ZNF385D: variants seen among roughly 807,000 people sequenced by gnomAD.
ZNF385D encodes the protein zinc finger protein 385D, also known as zinc finger protein 659.
A neutral mutation model predicts 35.8 loss-of-function variants in ZNF385D; 15 were observed. That is an observed-to-expected ratio of 0.42 (90% CI 0.28 to 0.64). ZNF385D has a LOEUF of 0.64. Among genes scored for constraint, ZNF385D ranks in the 30% least tolerant of loss-of-function variants. The pLI, the probability that ZNF385D is intolerant of heterozygous loss-of-function variation, is 0.23. For missense variants in ZNF385D, 474 were observed against 494.6 expected (o/e 0.96, Z 0.39); for synonymous variants, 212 against 186.8 (o/e 1.13, Z -1.10).
At chr3:21,830,874 G>T (rs1262957533) in intron 3 of ZNF385D, among the ~76,000 whole-genome samples, 1 of 152,178 alleles carries the variant, frequency 6.6e-6, no homozygotes, top group African/African-American at 2.4e-5. Context: ...AAACATTTAT[G>T]CCATTGATCC....
At chr3:21,685,303 C>G (rs2067069379) in intron 1 of ZNF385D, among the ~76,000 whole-genome samples, 1 of 152,106 alleles carries the variant, frequency 6.6e-6, no homozygotes, top group Non-Finnish European at 1.5e-5. Context: ...CATTACTTGC[C>G]TTGGTGACAA....
intron 3 of ZNF385D, among the ~76,000 whole-genome samples, chr3:21,540,841 C>G (rs2062156449): frequency 6.6e-6 from 1 of 151,932 alleles, no homozygotes; most frequent in South Asian, 2.1e-4. Flanking sequence ...ACTTTCATGG[C>G]ATATCTTGCC....
rs560982379 is a variant in ZNF385D, at chr3:21,787,944, C to CAAAAAAAAAAAA, written c.326-122928_326-122917dup. 7.0e-4 allele frequency among the ~76,000 whole-genome samples: 53 copies of CAAAAAAAAAAAA among 75,380 alleles called. 3 individuals are homozygous for CAAAAAAAAAAAA. The highest frequency in any genetic ancestry group is 1.7e-3 in the East Asian group (3 of 1,756). The allele number at this position is 75,380 out of a possible 152,430, so 49.5% of individuals were successfully genotyped here. On this transcript the variant is annotated intron_variant, in intron 3 of 5. Coordinates refer to the ZNF385D transcript ENST00000494108. ...GCGACAGAGCGAGACTTCGTCTCAA[C>CAAAAAAAAAAAA]AAAAAAAAAAAAAAAAAAAAAAAAA...
chr3:21,882,808 G>T (rs1287641057), intron 3 of ZNF385D, among the ~76,000 whole-genome samples: 1 of 151,988 alleles, frequency 6.6e-6, no homozygotes, highest in African/African-American at 2.4e-5. Context: ...AGCTAATTAT[G>T]TAGAGTTTTT....
chr3:22,190,253 G>A (rs1009773138), intron 2 of ZNF385D, among the ~76,000 whole-genome samples: 9 of 152,124 alleles, frequency 5.9e-5, no homozygotes, highest in Non-Finnish European at 1.0e-4. Context: ...TTAAGTTCAG[G>A]CTGACATTCT....
chr3:21,839,403 C>T (rs1342042095), intron 3 of ZNF385D, among the ~76,000 whole-genome samples: 1 of 152,036 alleles, frequency 6.6e-6, no homozygotes, highest in East Asian at 1.9e-4. Flanking sequence ...ATGACTAAAC[C>T]AGTATAGCCA....
At chr3:21,928,797 C>G (rs1344957841) in intron 3 of ZNF385D, among the ~76,000 whole-genome samples, 1 of 151,992 alleles carries the variant, frequency 6.6e-6, no homozygotes, top group Non-Finnish European at 1.5e-5. Context: ...AAGTAATAAG[C>G]AATCTGAATA....
intron 3 of ZNF385D, among the ~76,000 whole-genome samples, chr3:21,763,860 T>C (rs1045021064): frequency 3.3e-5 from 5 of 152,192 alleles, no homozygotes; most frequent in African/African-American, 1.2e-4. Flanking sequence ...CATTAAAATG[T>C]TTTCATTAAT....
chr3:21,996,609 C>T (rs1695481773), intron 3 of ZNF385D, among the ~76,000 whole-genome samples: 2 of 152,148 alleles, frequency 1.3e-5, no homozygotes, highest in African/African-American at 2.4e-5. Context: ...ACATTTATTT[C>T]TCACATATGT....
At chr3:22,026,446 C>G (rs760581347) in intron 3 of ZNF385D, among the ~76,000 whole-genome samples, 2 of 152,174 alleles carry the variant, frequency 1.3e-5, no homozygotes, top group Non-Finnish European at 2.9e-5. Flanking sequence ...GACTACTGGA[C>G]GCTGGCTCTG....
intron 3 of ZNF385D, among the ~76,000 whole-genome samples, chr3:21,954,532 C>T (rs1335695210): frequency 6.6e-6 from 1 of 151,954 alleles, no homozygotes; most frequent in African/African-American, 2.4e-5. Context: ...GTAATATTTA[C>T]ACGGGACCCC....
chr3:21,674,401 G>A, intron 1 of ZNF385D, among the ~76,000 whole-genome samples: 1 of 152,078 alleles, frequency 6.6e-6, no homozygotes, highest in Non-Finnish European at 1.5e-5. Flanking sequence ...GGGTAAATAA[G>A]CCTGATAGGC....
rs2071261406 is a variant in ZNF385D at position 21,775,733 on chromosome 3, TAATC to T, written c.326-110709_326-110706del. Among the ~76,000 whole-genome samples, 2 of 151,926 alleles carry T rather than the reference TAATC, an allele frequency of 1.3e-5. 1 individual carries two copies. The highest frequency in any genetic ancestry group is 4.1e-4 in the South Asian group (2 of 4,836). ...AAAGTATTCGATGACAGGAAATAAT[TAATC>T]ATTTTCTTATTGATTTAAGAATATC... On this transcript the variant is annotated intron_variant, in intron 3 of 5. Coordinates refer to the ZNF385D transcript ENST00000494108.
intron 3 of ZNF385D, among the ~76,000 whole-genome samples, chr3:21,770,711 C>T (rs567971866): frequency 4.4e-4 from 67 of 152,236 alleles, no homozygotes; most frequent in African/African-American, 1.6e-3. Flanking sequence ...ACTAGAAATA[C>T]CATTTGACCC....
chr3:22,112,694 G>C (rs1480981553), intron 3 of ZNF385D, among the ~76,000 whole-genome samples: 2 of 152,076 alleles, frequency 1.3e-5, no homozygotes, highest in South Asian at 2.1e-4. Flanking sequence ...GGGTGATATA[G>C]GGAGAAAGCT....
intron 2 of ZNF385D, among the ~76,000 whole-genome samples, chr3:22,265,738 A>T (rs1173279142): frequency 6.6e-6 from 1 of 151,938 alleles, no homozygotes; most frequent in Non-Finnish European, 1.5e-5. Flanking sequence ...CGGACAAAGA[A>T]AATTATCACT....
At chr3:21,835,213 G>C (rs1351663183) in intron 3 of ZNF385D, among the ~76,000 whole-genome samples, 1 of 149,396 alleles carries the variant, frequency 6.7e-6, no homozygotes, top group South Asian at 2.1e-4. Flanking sequence ...AGCTAAGAAG[G>C]AAAGAAAAAA....
chr3:22,298,469 T>C (rs1270348526), intron 2 of ZNF385D, among the ~76,000 whole-genome samples: 1 of 64,352 alleles, frequency 1.6e-5, no homozygotes, highest in African/African-American at 4.7e-5. Flanking sequence ...AATATATAAA[T>C]ATACATAAAA....
At chr3:21,818,489 G>C (rs935323443) in intron 3 of ZNF385D, among the ~76,000 whole-genome samples, 10 of 152,092 alleles carry the variant, frequency 6.6e-5, no homozygotes, top group African/African-American at 2.2e-4. Flanking sequence ...TTATTAATTT[G>C]GGTGTTATCA....
Sources: allele counts gnomAD v4.1 joint callset (sites outside exome capture counted in the v4.1 genomes callset), GRCh38; gene constraint gnomAD v4.1.1; transcripts MANE v1.5; gene names NCBI Gene and HGNC (gene_info 2026-07-23, HGNC 2026-07-21).